The following LRRC9 variants were observed in gnomAD, a reference collection of about 807,000 sequenced individuals.
LRRC9 encodes the protein leucine rich repeat containing 9.
In LRRC9, 122 loss-of-function variants were observed where a neutral mutation model predicts 63.2. That is an observed-to-expected ratio of 1.93 (90% CI 1.67 to 2.24). The LOEUF (loss-of-function observed/expected upper bound fraction) is 2.24. Among genes scored for constraint, LRRC9 ranks in the 30% most tolerant of loss-of-function variants. LRRC9 has a pLI of 0.00. For missense variants in LRRC9, 1,071 were observed against 627.7 expected, an observed-to-expected ratio of 1.71 and a Z score of -7.55; for synonymous variants, 366 against 213.1, an observed-to-expected ratio of 1.72 and a Z score of -6.25.
chr14:59,940,675 A>T (rs1441451947), intron 7 of LRRC9, among the ~76,000 whole-genome samples: 1 of 152,154 alleles, frequency 6.6e-6, no homozygotes, highest in Non-Finnish European at 1.5e-5. Context: ...TGGGGGAGCC[A>T]ATGAGTTAAT....
chr14:60,038,147 T>C lies in LRRC9; in HGVS notation c.3990+6084T>C, dbSNP rs371479208. ...TATATCTCTGTTTTGGTACCAGTAC[T>C]ATGCTGTTTTGGTTACTGTAGCCTT... On this transcript the variant is annotated intron_variant, in intron 29 of 31. Transcript: ENST00000445360. Among the ~76,000 whole-genome samples, 8 of 152,234 alleles carry C rather than the reference T, an allele frequency of 5.3e-5. No individual in the cohort carries two copies. In the East Asian group the frequency reaches 1.4e-3, roughly 26 times the overall value.
chr14:60,002,544 T>C (rs1841698315), intron 20 of LRRC9, among the ~76,000 whole-genome samples: 1 of 152,222 alleles, frequency 6.6e-6, no homozygotes, highest in African/African-American at 2.4e-5. Context: ...TATCAAGTTA[T>C]ACATCTTTAA....
chr14:60,062,315 CAGAT>C (rs1894704920), intron 31 of LRRC9, 136 bp downstream of exon 32: 1 of 390,950 alleles, frequency 2.6e-6, no homozygotes, highest in Admixed American at 4.4e-5. Flanking sequence ...AAAAAACTGT[CAGAT>C]AGCATAAGAC....
chr14:59,998,073 A>G (rs965553373), intron 18 of LRRC9, among the ~76,000 whole-genome samples: 5 of 152,096 alleles, frequency 3.3e-5, no homozygotes, highest in Admixed American at 1.3e-4. Flanking sequence ...TGTAACCTCT[A>G]ATAGATTGAG....
rs569829165 is a variant in LRRC9, at chr14:60,051,527, C to T, written c.3991-1538C>T. 1.2e-4 allele frequency among the ~76,000 whole-genome samples: 18 copies of T among 152,284 alleles called. No homozygotes were observed. The highest frequency in any genetic ancestry group is 3.8e-4 in the African/African-American group (16 of 41,560). Reference sequence around the variant, plus strand: ...TGGTTTCAGGCAGACTCATCCTTCCCCCAGGAACTGCCTCTGGTTTCAGGC... The same window carrying T: ...TGGTTTCAGGCAGACTCATCCTTCCTCCAGGAACTGCCTCTGGTTTCAGGC... On this transcript the variant is annotated intron_variant, in intron 29 of 31. Coordinates refer to ENST00000445360, the Ensembl canonical transcript of LRRC9. The surrounding 1 kb of genome is among the most constrained non-coding windows in gnomAD (Gnocchi z 4.7).
At chr14:59,949,340 G>C (rs1388897883) in intron 8 of LRRC9, among the ~76,000 whole-genome samples, 1 of 151,934 alleles carries the variant, frequency 6.6e-6, no homozygotes, top group Non-Finnish European at 1.5e-5. Flanking sequence ...TATTTCTGTG[G>C]GATCGGTGAT....
chr14:59,944,495 G>GTA, intron 7 of LRRC9, 94 bp from the exon 8 acceptor site: 1 of 435,426 alleles, frequency 2.3e-6, no homozygotes, highest in Non-Finnish European at 4.0e-6. Context: ...CATCTAAATT[G>GTA]TTATATAGAA....
chr14:59,961,890 T>TACACAATA (rs1884385485), intron 10 of LRRC9, among the ~76,000 whole-genome samples: 1 of 152,186 alleles, frequency 6.6e-6, no homozygotes, highest in Admixed American at 6.5e-5. Context: ...CAATAGGAAC[T>TACACAATA]GGGTACATGG....
Position 59,962,315 on chromosome 14 carries a change from A to G in LRRC9, c.1211+1270A>G, listed in dbSNP as rs1884428988. 6.6e-6 allele frequency among the ~76,000 whole-genome samples: 1 copy of G among 152,190 alleles called. No individual in the cohort carries two copies. The highest frequency in any genetic ancestry group is 2.4e-5 in the African/African-American group (1 of 41,442). ...TATAAAAGGTGTTCATCCAGCTCCCATGTAAACAAGTAAAGGCCTTGATTT... is the reference window on the plus strand; with the variant it reads ...TATAAAAGGTGTTCATCCAGCTCCCGTGTAAACAAGTAAAGGCCTTGATTT... On this transcript the variant is annotated intron_variant, in intron 10 of 31. Coordinates refer to ENST00000445360, the Ensembl canonical transcript of LRRC9. The surrounding 1 kb of genome is among the most constrained non-coding windows in gnomAD (Gnocchi z 5.1).
intron 13 of LRRC9, 33 bp downstream of exon 13, chr14:59,974,741 T>A: frequency 3.3e-6 from 2 of 607,468 alleles, no homozygotes; most frequent in Non-Finnish European, 5.8e-6. Context: ...TCTGAACTTT[T>A]AAGTTCTGTC....
At chr14:60,063,978 T>C (rs779038909), downstream of LRRC9, among the ~76,000 whole-genome samples, 2 of 152,120 alleles carry the variant, frequency 1.3e-5, no homozygotes, top group African/African-American at 4.8e-5. Context: ...GCATCAATAG[T>C]AGTTTCTAAA....
chr14:59,991,716 T>C (rs1594960224), intron 17 of LRRC9, among the ~76,000 whole-genome samples: 1 of 152,286 alleles, frequency 6.6e-6, no homozygotes, highest in African/African-American at 2.4e-5. Flanking sequence ...GCCTCACTCA[T>C]TGCTAGCCAA....
chr14:60,055,532 A>G (rs1343043021), intron 30 of LRRC9, among the ~76,000 whole-genome samples: 3 of 152,170 alleles, frequency 2.0e-5, no homozygotes, highest in Non-Finnish European at 4.4e-5. Context: ...GGCTTAAAAT[A>G]ACACATATTG....
intron 29 of LRRC9, among the ~76,000 whole-genome samples, chr14:60,040,831 G>T (rs1197805501): frequency 2.0e-5 from 3 of 151,980 alleles, no homozygotes; most frequent in African/African-American, 4.9e-5. Context: ...TTGCTCATCA[G>T]TTGATGCTGT....
chr14:60,043,065 A>G (rs1893093895), intron 29 of LRRC9, among the ~76,000 whole-genome samples: 1 of 152,172 alleles, frequency 6.6e-6, no homozygotes, highest in Admixed American at 6.5e-5. Flanking sequence ...CTATTGTAAC[A>G]GGATTGCCTT....
At chr14:60,045,258 T>A (rs1042424395) in intron 29 of LRRC9, among the ~76,000 whole-genome samples, 34 of 151,892 alleles carry the variant, frequency 2.2e-4, no homozygotes, top group South Asian at 6.2e-4. Context: ...CTTTCTTTTT[T>A]AAAAAAAAAT....
At chr14:59,925,374 C>A (rs1446074636) in intron 1 of LRRC9, among the ~76,000 whole-genome samples, 1 of 152,172 alleles carries the variant, frequency 6.6e-6, no homozygotes, top group Non-Finnish European at 1.5e-5. Context: ...AGTCTGCCTC[C>A]TCTGGAGAGA....
chr14:60,038,655 G>A (rs1399753676), intron 29 of LRRC9, among the ~76,000 whole-genome samples: 3 of 152,144 alleles, frequency 2.0e-5, no homozygotes, highest in Admixed American at 1.3e-4. Flanking sequence ...ATCAGCTTAC[G>A]GAGATTTGGG....
In LRRC9 at chr14:60,031,929, A is replaced by C; in HGVS notation, c.3922-66A>C. On this transcript the variant is annotated intron_variant, in intron 28 of 31. Coordinates refer to ENST00000445360, the Ensembl canonical transcript of LRRC9. The surrounding 1 kb of genome is among the most constrained non-coding windows in gnomAD (Gnocchi z 4.6). Reference sequence around the variant, plus strand: ...CTAACACTTACATATAATTACTTCAAATTAGTCTATATTTTAAGATGTTGA... The same window carrying C: ...CTAACACTTACATATAATTACTTCACATTAGTCTATATTTTAAGATGTTGA... 1 of 676,054 alleles carries C rather than the reference A, an allele frequency of 1.5e-6. No individual in the cohort carries two copies. The highest frequency in any genetic ancestry group is 2.7e-6 in the Non-Finnish European group (1 of 374,780). The allele number at this position is 676,054 out of a possible 1,614,324, so 41.9% of individuals were successfully genotyped here.
Sources: gnomAD v4.1 joint callset for allele counts (sites outside exome capture counted in the v4.1 genomes callset) on GRCh38, gnomAD v4.1.1 for gene constraint, Gnocchi (gnomAD v3.1) non-coding constraint, MANE v1.5 for transcripts, NCBI Gene and HGNC (gene_info 2026-07-23, HGNC 2026-07-21) for gene names.